Variants in CNOT10 observed in about 807,000 individuals in gnomAD.
CNOT10 encodes the protein CCR4-NOT transcription complex subunit 10.
CNOT10 carries 30 observed loss-of-function variants against 94.6 expected under a neutral mutation model. The observed-to-expected ratio is 0.32, with a 90% CI of 0.24 to 0.43. CNOT10 has a LOEUF of 0.43. CNOT10 is among the 20% of genes least tolerant of loss of function. The pLI is 1.00. For missense variants in CNOT10, 759 were observed against 877.2 expected, an observed-to-expected ratio of 0.87 and a Z score of 1.70; for synonymous variants, 289 against 301.6, an observed-to-expected ratio of 0.96 and a Z score of 0.43.
rs193247365 is a variant in CNOT10 at position 32,761,231 on chromosome 3, G to C, written c.1710-1502G>C. 3.2e-3 allele frequency among the ~76,000 whole-genome samples: 485 copies of C among 152,280 alleles called. 2 individuals carry two copies. The highest frequency in any genetic ancestry group is 5.0e-3 in the Non-Finnish European group (343 of 68,018). On this transcript the variant is annotated intron_variant, in intron 14 of 18. Transcript: ENST00000328834. ...CAAGAAAATCTTGTCCAATATTCAG[G>C]CCTGGAGATGGGGAAGATCCTAATT...
chr3:32,697,998 A>G (rs532724959), intron 1 of CNOT10, among the ~76,000 whole-genome samples: 2 of 152,340 alleles, frequency 1.3e-5, no homozygotes, highest in Non-Finnish European at 2.9e-5. Flanking sequence ...ATCTAAACTT[A>G]TAACTTGCCT....
At position 32,759,573 on chromosome 3, in the gene CNOT10, T is replaced by C; in HGVS notation, c.1709+2T>C. 6.2e-7 allele frequency: 1 copy of C among 1,600,782 alleles called. No individual in the cohort carries two copies. The highest frequency in any genetic ancestry group is 8.6e-7 in the Non-Finnish European group (1 of 1,167,986). ...GCCCAAGCTGTCAGGATCTCTTAAG[T>C]AAGTGTGACTTGCCCTGTGTGTCCC... is the stretch of plus-strand genomic sequence containing the variant. On this transcript the variant is annotated splice_donor_variant, in intron 14 of 18. Transcript: ENST00000328834. LOFTEE classifies it high-confidence loss of function.
intron 6 of CNOT10, 78 bp from the exon 7 acceptor site, chr3:32,717,076 T>G (rs1473053122): frequency 3.9e-6 from 3 of 759,814 alleles, no homozygotes; most frequent in East Asian, 5.3e-5. Flanking sequence ...GTAAATAGAT[T>G]GGGTTTTCTT....
chr3:32,713,465 G>A, intron 5 of CNOT10, 96 bp downstream of exon 5: 1 of 971,256 alleles, frequency 1.0e-6, no homozygotes, highest in South Asian at 1.6e-5. Context: ...ATTAAAATAT[G>A]ATTAATGTTT....
intron 1 of CNOT10, among the ~76,000 whole-genome samples, chr3:32,687,219 A>G (rs1474452527): frequency 1.3e-5 from 2 of 151,806 alleles, no homozygotes; most frequent in East Asian, 3.9e-4. Context: ...TCTATGTCGC[A>G]TTGAGTAGTC....
Position 32,691,413 on chromosome 3 carries a change from G to A in CNOT10, c.22+5931G>A, listed in dbSNP as rs1041746228. Among the ~76,000 whole-genome samples the A allele has an allele frequency of 7.9e-5, 12 of 152,072 alleles. 1 individual carries two copies. Among genetic ancestry groups the A allele is most frequent in the Middle Eastern group, 3.4e-3 (1 of 294 alleles). On this transcript the variant is annotated intron_variant, in intron 1 of 18. Transcript: ENST00000328834. ...TCTGACCTCATGATCCACCCACCTC[G>A]ACCTCCCAAAGTGCTGGGATTAACA...
At chr3:32,687,373 G>A (rs183935786) in intron 1 of CNOT10, among the ~76,000 whole-genome samples, 10 of 150,360 alleles carry the variant, frequency 6.7e-5, no homozygotes, top group Admixed American at 6.0e-4. Flanking sequence ...CATGCTTTGG[G>A]CATCAAGTCA....
chr3:32,721,062 T>TC (rs1698380694), intron 8 of CNOT10, among the ~76,000 whole-genome samples: 2 of 85,466 alleles, frequency 2.3e-5, no homozygotes, highest in Non-Finnish European at 5.3e-5. Flanking sequence ...TTTCCTTTCT[T>TC]TTTTTTTTTT....
At chr3:32,734,144 C>T (rs1196451164) in intron 11 of CNOT10, among the ~76,000 whole-genome samples, 1 of 152,136 alleles carries the variant, frequency 6.6e-6, no homozygotes, top group Non-Finnish European at 1.5e-5. Context: ...ATATCTGATA[C>T]ACAATAATTT....
chr3:32,732,761 A>AG (rs1185646661), intron 10 of CNOT10, among the ~76,000 whole-genome samples: 1 of 152,154 alleles, frequency 6.6e-6, no homozygotes, highest in Non-Finnish European at 1.5e-5. Context: ...CTTAGAATGA[A>AG]GGGGGATCAT....
At chr3:32,728,621 T>C (rs1439179311) in intron 10 of CNOT10, among the ~76,000 whole-genome samples, 1 of 151,844 alleles carries the variant, frequency 6.6e-6, no homozygotes, top group Non-Finnish European at 1.5e-5. Context: ...TCAAAAAAAA[T>C]AAAAATAAAA....
chr3:32,747,731 C>G (rs944560789), intron 13 of CNOT10, among the ~76,000 whole-genome samples: 1 of 152,074 alleles, frequency 6.6e-6, no homozygotes, highest in Admixed American at 6.6e-5. Flanking sequence ...GGGCAGATCA[C>G]GAGGTCAAGA....
intron 13 of CNOT10, among the ~76,000 whole-genome samples, chr3:32,749,877 A>G (rs1399416136): frequency 1.3e-5 from 2 of 151,948 alleles, no homozygotes; most frequent in East Asian, 3.9e-4. Context: ...TCCCCCACAT[A>G]CCTATGGAAA....
At chr3:32,690,787 T>A (rs1575197286) in intron 1 of CNOT10, among the ~76,000 whole-genome samples, 1 of 152,022 alleles carries the variant, frequency 6.6e-6, no homozygotes, top group Non-Finnish European at 1.5e-5. Flanking sequence ...GACCTCATGA[T>A]CCGCCCGCCT....
chr3:32,735,070 C>A, intron 12 of CNOT10, 94 bp downstream of exon 12: 1 of 1,066,316 alleles, frequency 9.4e-7, no homozygotes, highest in Non-Finnish European at 1.4e-6. Context: ...AAATCTTCAA[C>A]CTGAATTTCT....
intron 1 of CNOT10, among the ~76,000 whole-genome samples, chr3:32,701,793 T>G (rs549907414): frequency 7.2e-4 from 109 of 152,078 alleles, no homozygotes; most frequent in Non-Finnish European, 1.1e-3. Context: ...CTGATAGTTG[T>G]TTTTGTTTGT....
At chr3:32,751,994 T>C (rs1486988830) in intron 13 of CNOT10, among the ~76,000 whole-genome samples, 1 of 152,094 alleles carries the variant, frequency 6.6e-6, no homozygotes, top group African/African-American at 2.4e-5. Flanking sequence ...CAAACCAGGG[T>C]TAAAATAATT....
At chr3:32,727,576 G>A in intron 9 of CNOT10, 92 bp from the exon 10 acceptor site, 1 of 807,816 alleles carries the variant, frequency 1.2e-6, no homozygotes, top group Non-Finnish European at 2.1e-6. Context: ...TGTTAAACAT[G>A]GTAGTGTCTA....
intron 13 of CNOT10, among the ~76,000 whole-genome samples, chr3:32,738,070 A>G (rs565127141): frequency 2.0e-5 from 3 of 152,310 alleles, no homozygotes; most frequent in South Asian, 2.1e-4. Context: ...TGCTGACCAT[A>G]TAAATGAGTT....
Sources: gnomAD v4.1 joint callset for allele counts (sites outside exome capture counted in the v4.1 genomes callset) on GRCh38, gnomAD v4.1.1 for gene constraint, MANE v1.5 for transcripts, NCBI Gene and HGNC (gene_info 2026-07-23, HGNC 2026-07-21) for gene names.